SPATA31G1: variants seen among roughly 807,000 people sequenced by gnomAD.
SPATA31G1 encodes the protein spermatogenesis-associated protein 31G1.
chr9:35,043,221 G>C, the SPATA31G1 span: 10 of 1,614,160 alleles, frequency 6.2e-6, no homozygotes, highest in South Asian at 8.8e-5. Flanking sequence ...GCTCTTCTGG[G>C]GTCTCCCCTC....
chr9:35,045,528 A>C, the SPATA31G1 span: 2 of 1,614,162 alleles, frequency 1.2e-6, no homozygotes, highest in Non-Finnish European at 1.7e-6. Context: ...GGGGTTATCC[A>C]CAGTCACAGG....
At chr9:35,045,493 A>C in the SPATA31G1 span, 1 of 1,614,078 alleles carries the variant, frequency 6.2e-7, no homozygotes, top group Non-Finnish European at 8.5e-7. Context: ...AAAGCAGGAG[A>C]CCATAGAAGA....
At chr9:35,042,214 CA>C in the SPATA31G1 span, 1 of 1,598,986 alleles carries the variant, frequency 6.3e-7, no homozygotes, top group Non-Finnish European at 8.5e-7. Flanking sequence ...TTCTGTGATG[CA>C]ATGATGACCT....
chr9:35,044,421 T>C, the SPATA31G1 span: 1 of 1,614,092 alleles, frequency 6.2e-7, no homozygotes. Flanking sequence ...AAAAAACTCC[T>C]GGGCCTCTAA....
At chr9:35,043,823 C>G in the SPATA31G1 span, 4 of 1,614,158 alleles carry the variant, frequency 2.5e-6, no homozygotes, top group African/African-American at 4.0e-5. Context: ...TGCCAGAACT[C>G]CAGAGAGAGA....
chr9:35,045,449 C>T, the SPATA31G1 span: 2 of 1,613,990 alleles, frequency 1.2e-6, no homozygotes, highest in African/African-American at 1.3e-5. Context: ...CAGCCTCATC[C>T]TCAGCCAAAA....
At chr9:35,044,454 C>T in the SPATA31G1 span, 1 of 1,614,162 alleles carries the variant, frequency 6.2e-7, no homozygotes, top group Non-Finnish European at 8.5e-7. Context: ...TAACTTACCC[C>T]AAGACCTGCA....
the SPATA31G1 span, chr9:35,044,915 A>C: frequency 6.2e-7 from 1 of 1,613,912 alleles, no homozygotes; most frequent in Non-Finnish European, 8.5e-7. Flanking sequence ...CAGAGGCCCC[A>C]CTCTCCCAGA....
At chr9:35,044,783 C>A in the SPATA31G1 span, 2 of 1,614,220 alleles carry the variant, frequency 1.2e-6, no homozygotes, top group Non-Finnish European at 1.7e-6. Context: ...CCCAAGGCCC[C>A]AGCCCTCTGG....
At chr9:35,042,281 T>C in the SPATA31G1 span, 50 of 1,614,090 alleles carry the variant, frequency 3.1e-5, no homozygotes, top group Non-Finnish European at 3.6e-5. Context: ...AGGACCTGCT[T>C]GGGGCTAAGG....
chr9:35,044,122 G>A, the SPATA31G1 span: 1 of 1,613,976 alleles, frequency 6.2e-7, no homozygotes, highest in South Asian at 1.1e-5. Context: ...AAAGCTTTGT[G>A]GGAGACCATG....
the SPATA31G1 span, chr9:35,045,145 G>GC: frequency 6.2e-7 from 1 of 1,613,838 alleles, no homozygotes; most frequent in Middle Eastern, 1.7e-4. Context: ...CCCAATCCAT[G>GC]CCCCCACTCT....
chr9:35,045,725 C>A, the SPATA31G1 span: 1 of 1,614,232 alleles, frequency 6.2e-7, no homozygotes, highest in Non-Finnish European at 8.5e-7. Flanking sequence ...TGACCCCTCG[C>A]CACTGTAAGC....
the SPATA31G1 span, chr9:35,042,917 A>T: frequency 3.1e-6 from 5 of 1,614,060 alleles, no homozygotes; most frequent in African/African-American, 5.3e-5. Flanking sequence ...AGCAGAAATC[A>T]GAAGTGGAGG....
At chr9:35,045,466 A>C in the SPATA31G1 span, 3 of 1,613,800 alleles carry the variant, frequency 1.9e-6, no homozygotes, top group South Asian at 1.1e-5. Flanking sequence ...AAAAAGAGAG[A>C]GCACCCTAGG....
At chr9:35,045,120 C>G in the SPATA31G1 span, 2 of 1,614,192 alleles carry the variant, frequency 1.2e-6, no homozygotes, top group South Asian at 2.2e-5. Context: ...CTGCCCACCA[C>G]AGCAGATTTA....
the SPATA31G1 span, chr9:35,044,566 G>A: frequency 1.2e-6 from 2 of 1,614,132 alleles, no homozygotes; most frequent in African/African-American, 1.3e-5. Flanking sequence ...AGGGGCTCCA[G>A]CCCATCCTCA....
At chr9:35,045,405 G>C in the SPATA31G1 span, 6 of 1,613,934 alleles carry the variant, frequency 3.7e-6, no homozygotes, top group African/African-American at 1.3e-5. Context: ...AAACTCTAAG[G>C]TTCTGGTCTC....
chr9:35,044,337 C>T, the SPATA31G1 span: 4 of 1,613,998 alleles, frequency 2.5e-6, no homozygotes, highest in African/African-American at 2.7e-5. Context: ...AGCTCTTGCA[C>T]CGGAGCTGCT....
Sources: gnomAD v4.1 joint callset for allele counts on GRCh38, gnomAD v4.1.1 for gene constraint, MANE v1.5 for transcripts, NCBI Gene and HGNC (gene_info 2026-07-23, HGNC 2026-07-21) for gene names.